MAK16: variants seen among roughly 807,000 people sequenced by gnomAD.
The protein encoded by MAK16 is MAK16 homolog, also known as protein MAK16 homolog.
MAK16 carries 12 observed loss-of-function variants against 49.9 expected under a neutral mutation model. The observed-to-expected ratio is 0.24, with a 90% confidence interval of 0.15 to 0.39. The LOEUF is 0.39. Among genes scored for constraint, MAK16 ranks in the 10% least tolerant of loss-of-function variants. MAK16 has a pLI of 1.00. For synonymous variants in MAK16, 115 were observed against 126.4 expected (o/e 0.91, Z 0.60); for missense variants, 292 against 363.7 (o/e 0.80, Z 1.60).
At chr8:33,491,754 C>T (rs1808783390) in intron 6 of MAK16, among the ~76,000 whole-genome samples, 1 of 151,390 alleles carries the variant, frequency 6.6e-6, no homozygotes, top group South Asian at 2.1e-4. Context: ...ATGCCTCAGC[C>T]TCCCAAGTAG....
At position 33,496,732 on chromosome 8, in the gene MAK16, T is replaced by G. The variant is rs776466592; in HGVS notation, c.630T>G (p.Asp210Glu). ...CTGAGGAAAAAGATGATGATGATGATGATGAGGAAGTAAGTCTTGTTTTTG... is the reference window on the plus strand; with the variant it reads ...CTGAGGAAAAAGATGATGATGATGAGGATGAGGAAGTAAGTCTTGTTTTTG... ...SDTEEKDDDD[D>E]DEEDVGKREF... The change falls in exon 8 of 10, where the codon GAT becomes GAG. Residue 210 changes from aspartate to glutamate, a missense_variant. Asp to Glu is a conservative substitution (Grantham distance 45). Coordinates refer to ENST00000360128, the MANE Select transcript of MAK16 (RefSeq NM_032509.4). 6.8e-6 allele frequency: 11 copies of G among 1,608,772 alleles called. No homozygotes were observed. The highest frequency in any genetic ancestry group is 3.4e-5 in the Admixed American group (2 of 59,362).
At chr8:33,492,236 T>G (rs1808790032) in intron 6 of MAK16, among the ~76,000 whole-genome samples, 1 of 152,186 alleles carries the variant, frequency 6.6e-6, no homozygotes, top group African/African-American at 2.4e-5. Flanking sequence ...GGTCTCGAAC[T>G]CCTGACCTCA....
In MAK16 at chr8:33,498,668, G is replaced by C; in HGVS notation, c.*39G>C. On this transcript the variant is annotated 3_prime_UTR_variant, in exon 10 of 10. Coordinates refer to ENST00000360128, the MANE Select transcript of MAK16 (RefSeq NM_032509.4). ...ATTTATACCCAGGACTGAACATGCA[G>C]AACTGTTTTTTTTTTTTTTTTATCT... 2.4e-6 allele frequency: 3 copies of C among 1,246,502 alleles called. No homozygotes were observed. Among genetic ancestry groups the C allele is most frequent in the Non-Finnish European group, 3.4e-6 (3 of 892,650 alleles). The allele number at this position is 1,246,502 out of a possible 1,614,324, so 77.2% of individuals were successfully genotyped here. A position where few individuals can be genotyped will look rare whatever the true frequency, so the allele number is the denominator to read the frequency against.
chr8:33,497,351 A>C lies in MAK16; in HGVS notation c.705+54A>C, dbSNP rs553046399. 3.9e-5 allele frequency: 38 copies of C among 967,578 alleles called. 1 individual carries two copies. The Admixed American group carries it at 4.1e-4, about 11-fold the overall frequency. 59.9% of individuals were successfully genotyped at this position (967,578 alleles called of 1,614,324 possible). A position where few individuals can be genotyped will look rare whatever the true frequency, so the allele number is the denominator to read the frequency against. On this transcript the variant is annotated intron_variant, in intron 9 of 9. Transcript: ENST00000360128. ...TTTGGCCTGCAGCAAAAAAAAAAAA[A>C]AAACAAAAACAGGGAGGTGGCCAGG... is the stretch of plus-strand genomic sequence containing the variant.
intron 4 of MAK16, 62 bp downstream of exon 4, chr8:33,488,860 C>A: frequency 1.5e-5 from 24 of 1,599,592 alleles, no homozygotes; most frequent in Non-Finnish European, 9.4e-6. Flanking sequence ...ACATGCTTGA[C>A]CATGATGCCC....
chr8:33,493,168 T>C (rs1352683391), intron 6 of MAK16, among the ~76,000 whole-genome samples: 2 of 152,200 alleles, frequency 1.3e-5, no homozygotes, highest in Non-Finnish European at 2.9e-5. Flanking sequence ...AAATATTTTA[T>C]TTTGAGACAA....
chr8:33,496,532 C>G (rs1290224270), intron 7 of MAK16, 93 bp from the exon 8 acceptor site: 2 of 878,722 alleles, frequency 2.3e-6, no homozygotes, highest in Non-Finnish European at 3.5e-6. Context: ...CTGATTTAAT[C>G]ACTGAGGAAA....
chr8:33,498,329 C>G (rs1428226613), intron 9 of MAK16, 103 bp from the exon 10 acceptor site: 12 of 871,626 alleles, frequency 1.4e-5, no homozygotes, highest in Non-Finnish European at 2.1e-5. Context: ...CAGACATAGA[C>G]AAATCAATGC....
At chr8:33,496,586 C>T in intron 7 of MAK16, 39 bp from the exon 8 acceptor site, 1 of 1,496,802 alleles carries the variant, frequency 6.7e-7, no homozygotes, top group Non-Finnish European at 9.2e-7. Context: ...GTGTAATATC[C>T]AAATGTAGTT....
At chr8:33,487,859 G>A (rs1184473890) in intron 1 of MAK16, among the ~76,000 whole-genome samples, 1 of 152,162 alleles carries the variant, frequency 6.6e-6, no homozygotes, top group Non-Finnish European at 1.5e-5. Context: ...TTTATCTCTG[G>A]GTAATGGAGT....
Position 33,500,712 on chromosome 8 carries a change from T to A in MAK16, c.*2083T>A, listed in dbSNP as rs1215276760. 4.0e-6 allele frequency: 2 copies of A among 504,116 alleles called. No homozygotes were observed. Among genetic ancestry groups the A allele is most frequent in the Non-Finnish European group, 7.1e-6 (2 of 280,320 alleles). The allele number at this position is 504,116 out of a possible 1,614,324, so 31.2% of individuals were successfully genotyped here. A position where few individuals can be genotyped will look rare whatever the true frequency, so the allele number is the denominator to read the frequency against. ...TGCCTATACACACAGACACACCCTC[T>A]GCCACACTGCTCTCTTCCTTCCAGA... is the stretch of plus-strand genomic sequence containing the variant. On this transcript the variant is annotated 3_prime_UTR_variant, in exon 10 of 10. Coordinates refer to ENST00000360128, the MANE Select transcript of MAK16 (RefSeq NM_032509.4).
Position 33,499,053 on chromosome 8 carries a change from G to C in MAK16, c.*424G>C. ...TGGAGGTAAAAGGAAAGGAAGGAAG[G>C]AAAAAGCAGCTTTCACTTACAAAGT... On this transcript the variant is annotated 3_prime_UTR_variant, in exon 10 of 10. Coordinates refer to ENST00000360128, the MANE Select transcript of MAK16 (RefSeq NM_032509.4). 2.4e-6 allele frequency: 2 copies of C among 847,520 alleles called. No homozygotes were observed. The highest frequency in any genetic ancestry group is 3.0e-5 in the South Asian group (2 of 67,768). The allele number at this position is 847,520 out of a possible 1,614,324, so 52.5% of individuals were successfully genotyped here. A position where few individuals can be genotyped will look rare whatever the true frequency, so the allele number is the denominator to read the frequency against.
chr8:33,496,661 G>A lies in MAK16; in HGVS notation c.559G>A (p.Asp187Asn), dbSNP rs752937894. The stretch of plus-strand genomic sequence containing the variant: ...CTACAACTTCCCCATTCATGCCTTC[G>A]ACAAAGCCCTGGAACAACAGGAGGC... Reference protein sequence around the residue: ...DIYNFPIHAFDKALEQQEAES... With the variant: ...DIYNFPIHAFNKALEQQEAES... The change falls in exon 8 of 10, where the codon GAC (aspartate) becomes AAC (asparagine). Residue 187 changes from aspartate (D) to asparagine (N), a missense_variant. Physicochemically the swap from Asp to Asn is conservative, Grantham distance 23. Coordinates refer to ENST00000360128, the MANE Select transcript of MAK16 (RefSeq NM_032509.4). The A allele has an allele frequency of 1.6e-5, 26 of 1,612,842 alleles. No homozygotes were observed. The highest frequency in any genetic ancestry group is 2.1e-5 in the Non-Finnish European group (25 of 1,179,532).
intron 8 of MAK16, 48 bp downstream of exon 8, chr8:33,496,789 A>G (rs1808867157): frequency 6.0e-6 from 8 of 1,324,476 alleles, no homozygotes; most frequent in African/African-American, 1.5e-5. Flanking sequence ...CCATTTGTAT[A>G]AAACTGAGAA....
rs201577994 is a variant in MAK16, at chr8:33,500,351, G to C, written c.*1722G>C. ...ACCTTTACCCGTCCTTGAGAACAGC[G>C]GTCCAGGAGAATCAGGCAGTCTGTG... is the stretch of plus-strand genomic sequence containing the variant. On this transcript the variant is annotated 3_prime_UTR_variant, in exon 10 of 10. Transcript: ENST00000360128. The C allele has an allele frequency of 8.1e-6, 13 of 1,614,072 alleles. No individual in the cohort carries two copies. Among genetic ancestry groups the C allele is most frequent in the Non-Finnish European group, 9.3e-6 (11 of 1,180,010 alleles).
At position 33,500,306 on chromosome 8, in the gene MAK16, A is replaced by G; in HGVS notation, c.*1677A>G. On this transcript the variant is annotated 3_prime_UTR_variant, in exon 10 of 10. Transcript: ENST00000360128. ...ATAAGGATAATGAGGCCCAACTGAA[A>G]CCAAGTTTCAGTCTGCCTTACCTTT... The G allele has an allele frequency of 6.2e-7, 1 of 1,613,958 alleles. No individual in the cohort carries two copies. The highest frequency in any genetic ancestry group is 8.5e-7 in the Non-Finnish European group (1 of 1,179,918).
At chr8:33,487,135 C>T (rs537421278) in intron 1 of MAK16, among the ~76,000 whole-genome samples, 26 of 152,272 alleles carry the variant, frequency 1.7e-4, no homozygotes, top group Admixed American at 3.9e-4. Flanking sequence ...CATACTCTTA[C>T]GCATGCTATG....
At chr8:33,485,983 C>T (rs1169010946) in intron 1 of MAK16, among the ~76,000 whole-genome samples, 1 of 152,118 alleles carries the variant, frequency 6.6e-6, no homozygotes, top group Non-Finnish European at 1.5e-5. Context: ...AAGAATAAGC[C>T]AGTCACTGAG....
intron 9 of MAK16, among the ~76,000 whole-genome samples, chr8:33,497,997 G>A (rs544227282): frequency 6.6e-6 from 1 of 151,710 alleles, no homozygotes; most frequent in East Asian, 2.0e-4. Flanking sequence ...TTGGGAGGCT[G>A]AGGCAGAAGA....
Sources: allele counts gnomAD v4.1 joint callset (sites outside exome capture counted in the v4.1 genomes callset), GRCh38; gene constraint gnomAD v4.1.1; transcripts MANE v1.5; gene names NCBI Gene and HGNC (gene_info 2026-07-23, HGNC 2026-07-21).